The following MRPS28 variants were observed in gnomAD, a reference collection of about 807,000 sequenced individuals.
MRPS28 encodes mitochondrial ribosomal protein S28, also known as small ribosomal subunit protein bS1m.
Under a neutral mutation model 10.8 loss-of-function variants are expected in MRPS28, and 7 were observed. The observed-to-expected ratio is 0.65, with a 90% CI of 0.37 to 1.22. The LOEUF is 1.22. MRPS28 is among the 50% of genes most tolerant of loss of function. MRPS28 has a pLI of 0.02. For synonymous variants in MRPS28, 121 were observed against 93.3 expected (o/e 1.30, Z -1.71); for missense variants, 265 against 232.9 (o/e 1.14, Z -0.90).
intron 2 of MRPS28, among the ~76,000 whole-genome samples, chr8:79,919,957 C>T (rs1810037932): frequency 7.9e-6 from 1 of 127,356 alleles, no homozygotes; most frequent in Non-Finnish European, 1.6e-5. Flanking sequence ...CACCCCATAA[C>T]AGGCCCCGGT....
At chr8:79,919,975 G>A (rs1367461116) in intron 2 of MRPS28, among the ~76,000 whole-genome samples, 5 of 132,394 alleles carry the variant, frequency 3.8e-5, no homozygotes, top group African/African-American at 1.5e-4. Flanking sequence ...GGTGTGTGAT[G>A]TTCCCCTTCC....
At chr8:79,948,144 C>T (rs767631192) in intron 2 of MRPS28, among the ~76,000 whole-genome samples, 4 of 151,570 alleles carry the variant, frequency 2.6e-5, no homozygotes, top group South Asian at 2.1e-4. Context: ...TGCACCCCAA[C>T]GCCTGGCTAA....
intron 2 of MRPS28, among the ~76,000 whole-genome samples, chr8:79,986,079 T>C (rs1808158700): frequency 6.6e-6 from 1 of 152,206 alleles, no homozygotes; most frequent in South Asian, 2.1e-4. Context: ...TTATCTGCCA[T>C]GATCAAGTAG....
At chr8:80,017,861 A>G (rs1809236920) in intron 1 of MRPS28, among the ~76,000 whole-genome samples, 1 of 152,230 alleles carries the variant, frequency 6.6e-6, no homozygotes, top group Non-Finnish European at 1.5e-5. Context: ...AATCAAATCC[A>G]ACAACATATA....
chr8:79,988,374 T>C (rs192165198), intron 2 of MRPS28, among the ~76,000 whole-genome samples: 1 of 151,718 alleles, frequency 6.6e-6, no homozygotes, highest in African/African-American at 2.4e-5. Flanking sequence ...TATATGTATG[T>C]AACTAACCTG....
At chr8:79,922,205 T>C (rs1407452653) in intron 2 of MRPS28, among the ~76,000 whole-genome samples, 2 of 152,250 alleles carry the variant, frequency 1.3e-5, no homozygotes, top group South Asian at 2.1e-4. Context: ...GTAATGCCAG[T>C]TGGATGAACC....
At chr8:79,924,079 T>C (rs1177760016) in intron 2 of MRPS28, among the ~76,000 whole-genome samples, 1 of 152,204 alleles carries the variant, frequency 6.6e-6, no homozygotes, top group Non-Finnish European at 1.5e-5. Context: ...AAAGCTTGGA[T>C]TGAACCTCGG....
At chr8:79,946,294 A>G (rs1806918019) in intron 2 of MRPS28, among the ~76,000 whole-genome samples, 1 of 152,098 alleles carries the variant, frequency 6.6e-6, no homozygotes, top group African/African-American at 2.4e-5. Flanking sequence ...CATCCATCTG[A>G]TAATCAGTAC....
At chr8:79,929,504 C>A (rs941280375) in intron 2 of MRPS28, among the ~76,000 whole-genome samples, 3 of 151,978 alleles carry the variant, frequency 2.0e-5, no homozygotes, top group Non-Finnish European at 4.4e-5. Context: ...AGGCATTTAG[C>A]AGACTGGAAA....
chr8:79,998,394 C>G (rs1271068018), intron 2 of MRPS28, among the ~76,000 whole-genome samples: 1 of 152,012 alleles, frequency 6.6e-6, no homozygotes, highest in African/African-American at 2.4e-5. Flanking sequence ...CTATAAGGTC[C>G]CATGCATGTC....
At chr8:79,974,391 T>C (rs1295006627) in intron 2 of MRPS28, among the ~76,000 whole-genome samples, 1 of 151,604 alleles carries the variant, frequency 6.6e-6, no homozygotes, top group East Asian at 1.9e-4. Flanking sequence ...ATACAAAAAA[T>C]TAGCCAGGCG....
chr8:79,930,724 G>A (rs1247832542), intron 2 of MRPS28, among the ~76,000 whole-genome samples: 1 of 152,200 alleles, frequency 6.6e-6, no homozygotes, highest in African/African-American at 2.4e-5. Context: ...GATGCAAGCT[G>A]ATGATATTTT....
At chr8:80,012,009 C>T (rs1809065465) in intron 1 of MRPS28, among the ~76,000 whole-genome samples, 1 of 152,094 alleles carries the variant, frequency 6.6e-6, no homozygotes, top group East Asian at 1.9e-4. Context: ...TAAAAAGATT[C>T]TCTTGAGATT....
At chr8:79,942,185 G>A (rs1806787118) in intron 2 of MRPS28, among the ~76,000 whole-genome samples, 1 of 152,128 alleles carries the variant, frequency 6.6e-6, no homozygotes, top group African/African-American at 2.4e-5. Flanking sequence ...CAGGTTCACT[G>A]CAATATTTTA....
At chr8:79,992,325 T>G (rs1586082748) in intron 2 of MRPS28, among the ~76,000 whole-genome samples, 1 of 152,210 alleles carries the variant, frequency 6.6e-6, no homozygotes, top group South Asian at 2.1e-4. Flanking sequence ...CAAAGCTCAT[T>G]CTCAATTCTG....
chr8:79,983,921 A>G (rs949258078), intron 2 of MRPS28, among the ~76,000 whole-genome samples: 13 of 152,272 alleles, frequency 8.5e-5, no homozygotes, highest in East Asian at 7.7e-4. Flanking sequence ...GAAATACAGA[A>G]AACGCCACAA....
At chr8:79,975,308 T>G (rs1382977076) in intron 2 of MRPS28, among the ~76,000 whole-genome samples, 4 of 151,966 alleles carry the variant, frequency 2.6e-5, no homozygotes, top group Admixed American at 1.3e-4. Context: ...GAAAAGATAA[T>G]TAATTAATTA....
chr8:79,919,673 C>A (rs1810019849), intron 2 of MRPS28, among the ~76,000 whole-genome samples: 1 of 152,198 alleles, frequency 6.6e-6, no homozygotes, highest in Non-Finnish European at 1.5e-5. Flanking sequence ...GATTTTAAAA[C>A]CACAGTAAAC....
At chr8:79,975,904 T>C (rs1031275570) in intron 2 of MRPS28, among the ~76,000 whole-genome samples, 6 of 152,270 alleles carry the variant, frequency 3.9e-5, no homozygotes, top group African/African-American at 1.4e-4. Context: ...ACAACATCAA[T>C]ATATATTAAC....
Sources: gnomAD v4.1 joint callset for allele counts (sites outside exome capture counted in the v4.1 genomes callset) on GRCh38, gnomAD v4.1.1 for gene constraint, MANE v1.5 for transcripts, NCBI Gene and HGNC (gene_info 2026-07-23, HGNC 2026-07-21) for gene names.